Variants in USH2A observed in about 807,000 individuals in gnomAD.
USH2A encodes Usher syndrome 2A (autosomal recessive, mild).
USH2A carries 443 observed loss-of-function variants against 538.9 expected under a neutral mutation model. That is an observed-to-expected ratio of 0.82 (90% confidence interval 0.76 to 0.89). The LOEUF (loss-of-function observed/expected upper bound fraction) is 0.89. USH2A is among the 40% of genes least tolerant of loss of function. The pLI is 0.00. For missense variants in USH2A, 6,633 were observed against 6,324.8 expected (o/e 1.05, Z -1.65); for synonymous variants, 2,413 against 2,273.5 (o/e 1.06, Z -1.75).
At chr1:216,417,392 G>A (rs116768894) in intron 3 of USH2A, among the ~76,000 whole-genome samples, 2 of 152,072 alleles carry the variant, frequency 1.3e-5, no homozygotes, top group African/African-American at 2.4e-5. Context: ...AGCTCATACT[G>A]GAAACTGTGG....
chr1:215,902,522 G>C (rs559488536), intron 38 of USH2A, among the ~76,000 whole-genome samples: 1 of 152,266 alleles, frequency 6.6e-6, no homozygotes, highest in South Asian at 2.1e-4. Flanking sequence ...CATTCAAGTG[G>C]AGGGAGCAGG....
intron 21 of USH2A, among the ~76,000 whole-genome samples, chr1:216,111,125 G>T (rs190411483): frequency 6.6e-6 from 1 of 152,260 alleles, no homozygotes; most frequent in African/African-American, 2.4e-5. Flanking sequence ...TCAGGAGGTT[G>T]CGGCAAGGTA....
chr1:215,835,236 C>G (rs950419533), intron 47 of USH2A, among the ~76,000 whole-genome samples: 2 of 143,126 alleles, frequency 1.4e-5, no homozygotes, highest in African/African-American at 5.1e-5. Flanking sequence ...GATTGGCATA[C>G]TTCCCTACTG....
At chr1:215,962,883 T>C (rs1207868555) in intron 37 of USH2A, among the ~76,000 whole-genome samples, 3 of 152,130 alleles carry the variant, frequency 2.0e-5, no homozygotes, top group Non-Finnish European at 2.9e-5. Context: ...TTACGAAACC[T>C]AATGTTTTTG....
intron 21 of USH2A, among the ~76,000 whole-genome samples, chr1:216,146,554 C>A (rs1206044049): frequency 6.6e-6 from 1 of 152,182 alleles, no homozygotes; most frequent in East Asian, 1.9e-4. Flanking sequence ...AACCCCTTCT[C>A]CTTCACCCTT....
intron 27 of USH2A, among the ~76,000 whole-genome samples, chr1:216,076,900 T>C (rs1359381249): frequency 6.6e-6 from 1 of 152,182 alleles, no homozygotes; most frequent in East Asian, 1.9e-4. Context: ...CTTGGTCCTA[T>C]GCTGGAAGTT....
intron 61 of USH2A, among the ~76,000 whole-genome samples, chr1:215,691,650 T>A (rs911876893): frequency 2.0e-5 from 3 of 152,228 alleles, no homozygotes; most frequent in African/African-American, 7.2e-5. Flanking sequence ...CATATTTTTT[T>A]ATGATTATTG....
intron 44 of USH2A, among the ~76,000 whole-genome samples, chr1:215,865,337 A>C (rs939053072): frequency 9.2e-5 from 14 of 152,336 alleles, no homozygotes; most frequent in Non-Finnish European, 5.9e-5. Context: ...TCAGAGGTTC[A>C]GATTACCAAG....
chr1:215,741,436 C>T lies in USH2A; in HGVS notation c.11650G>A (p.Glu3884Lys). 1 of 1,613,966 alleles carries T rather than the reference C, an allele frequency of 6.2e-7. No homozygotes were observed. Among genetic ancestry groups the T allele is most frequent in the African/African-American group, 1.3e-5 (1 of 74,978 alleles). ...VLKALGSACI[E>K]IKWMPPEKPN... is the part of the protein sequence containing the mutation. Reference sequence around the variant, plus strand: ...TTTTCAGGTGGCATCCACTTAATCTCTATGCAAGCTGACCCCAGTGCCTTA... The same window carrying T: ...TTTTCAGGTGGCATCCACTTAATCTTTATGCAAGCTGACCCCAGTGCCTTA... The change falls in exon 60 of 72, where the codon GAG (glutamate) becomes AAG (lysine). Residue 3884 changes from glutamate to lysine, a missense_variant. Coordinates refer to ENST00000307340, the MANE Select transcript of USH2A (RefSeq NM_206933.4).
At chr1:216,111,424 T>C (rs2032866832) in intron 21 of USH2A, among the ~76,000 whole-genome samples, 1 of 152,130 alleles carries the variant, frequency 6.6e-6, no homozygotes, top group Non-Finnish European at 1.5e-5. Flanking sequence ...ATCTCAATCC[T>C]AGGGTTATGA....
At chr1:216,255,019 C>A (rs909086730) in intron 11 of USH2A, among the ~76,000 whole-genome samples, 12 of 152,160 alleles carry the variant, frequency 7.9e-5, no homozygotes, top group African/African-American at 2.7e-4. Context: ...TCTGAGCTTT[C>A]TTTTACTAAC....
intron 34 of USH2A, among the ~76,000 whole-genome samples, chr1:215,995,899 A>G (rs1668123519): frequency 6.6e-6 from 1 of 152,168 alleles, no homozygotes; most frequent in African/African-American, 2.4e-5. Flanking sequence ...AAGACAATCC[A>G]AAACTAGCAT....
intron 3 of USH2A, among the ~76,000 whole-genome samples, chr1:216,405,530 T>C (rs1196419578): frequency 6.6e-6 from 1 of 152,108 alleles, no homozygotes; most frequent in Non-Finnish European, 1.5e-5. Context: ...AATAGTAAAA[T>C]AAATGTAGCC....
At chr1:215,911,820 C>T (rs760796844) in intron 38 of USH2A, among the ~76,000 whole-genome samples, 5 of 152,070 alleles carry the variant, frequency 3.3e-5, no homozygotes, top group Non-Finnish European at 5.9e-5. Flanking sequence ...ATTTACATTC[C>T]TACCAGCAGG....
Position 216,333,428 on chromosome 1 carries a change from G to A in USH2A, c.785-5774C>T, listed in dbSNP as rs566323784. Among the ~76,000 whole-genome samples, 9 of 152,206 alleles carry A rather than the reference G, an allele frequency of 5.9e-5. No homozygotes were observed. The South Asian group carries it at 6.2e-4, about 11-fold the overall frequency. On this transcript the variant is annotated intron_variant, in intron 4 of 71. Transcript: ENST00000307340. ...TTATTCAGTGTGAGCAATAGAAAGA[G>A]AAAGAATGTTGAGAAATTAACAAAG...
chr1:216,173,981 A>G, intron 21 of USH2A: 1 of 985,002 alleles, frequency 1.0e-6, no homozygotes, highest in Non-Finnish European at 1.2e-6. Flanking sequence ...GCAGAAGTTG[A>G]GCATTTTTAG....
chr1:216,102,843 A>G (rs1217888193), intron 21 of USH2A, among the ~76,000 whole-genome samples: 2 of 152,162 alleles, frequency 1.3e-5, no homozygotes, highest in African/African-American at 2.4e-5. Flanking sequence ...TGATATATGT[A>G]TGTTTTCATC....
intron 40 of USH2A, among the ~76,000 whole-genome samples, chr1:215,894,443 T>C (rs969839896): frequency 2.0e-5 from 3 of 152,206 alleles, no homozygotes; most frequent in Non-Finnish European, 1.5e-5. Context: ...TCTTGATCAA[T>C]TTATCAAATT....
chr1:216,253,915 T>C (rs1417343866), intron 11 of USH2A, among the ~76,000 whole-genome samples: 1 of 152,212 alleles, frequency 6.6e-6, no homozygotes, highest in Non-Finnish European at 1.5e-5. Context: ...TACCATCTTC[T>C]GTGGCTTCTC....
Sources: gnomAD v4.1 joint callset for allele counts (sites outside exome capture counted in the v4.1 genomes callset) on GRCh38, gnomAD v4.1.1 for gene constraint, MANE v1.5 for transcripts, NCBI Gene and HGNC (gene_info 2026-07-23, HGNC 2026-07-21) for gene names.